Variants in CSRNP3 observed in about 807,000 individuals in gnomAD.
The protein encoded by CSRNP3 is cysteine/serine-rich nuclear protein 3.
CSRNP3 carries 12 observed loss-of-function variants against 48.0 expected under a neutral mutation model. That is an observed-to-expected ratio of 0.25 (90% CI 0.16 to 0.41). The LOEUF (loss-of-function observed/expected upper bound fraction) is 0.41. Ranked by LOEUF, CSRNP3 falls within the 10% of genes least tolerant of loss-of-function variation. CSRNP3 has a pLI of 1.00. For missense variants in CSRNP3, 580 were observed against 724.4 expected, an observed-to-expected ratio of 0.80 and a Z score of 2.29; for synonymous variants, 263 against 269.7, an observed-to-expected ratio of 0.98 and a Z score of 0.24.
At chr2:165,524,329 A>T (rs942708643) in intron 3 of CSRNP3, among the ~76,000 whole-genome samples, 1 of 152,204 alleles carries the variant, frequency 6.6e-6, no homozygotes, top group African/African-American at 2.4e-5. Context: ...TTAAAGTAAA[A>T]TTTAAATAAA....
At position 165,489,988 on chromosome 2, in the gene CSRNP3, G is replaced by A. The variant is rs1383588935; in HGVS notation, c.-282-4771G>A. Among the ~76,000 whole-genome samples the A allele has an allele frequency of 2.0e-5, 3 of 152,028 alleles. No individual in the cohort carries two copies. In the East Asian group the frequency reaches 5.8e-4, roughly 29 times the overall value. On this transcript the variant is annotated intron_variant, in intron 1 of 6. Transcript: ENST00000651982. ...GAAGAAAATAAAAGGTATTCAATTA[G>A]GAAAAGAGGAAGTCAAATTGTCCCT...
intron 3 of CSRNP3, among the ~76,000 whole-genome samples, chr2:165,559,140 C>A (rs1670641452): frequency 6.6e-6 from 1 of 152,112 alleles, no homozygotes; most frequent in Non-Finnish European, 1.5e-5. Flanking sequence ...GCCTGTTAAT[C>A]ATATAGAAAT....
chr2:165,486,423 C>G (rs1182408420), intron 1 of CSRNP3, among the ~76,000 whole-genome samples: 12 of 150,386 alleles, frequency 8.0e-5, no homozygotes, highest in African/African-American at 2.9e-4. Flanking sequence ...CCAGGAAGCT[C>G]GAACTGGGTG....
chr2:165,670,327 A>G (rs1465336693), intron 5 of CSRNP3, among the ~76,000 whole-genome samples: 2 of 152,236 alleles, frequency 1.3e-5, no homozygotes, highest in Non-Finnish European at 1.5e-5. Context: ...GAACTAGGTT[A>G]AAATTACTAG....
chr2:165,656,931 G>C (rs1182369797), intron 4 of CSRNP3, among the ~76,000 whole-genome samples: 3 of 152,180 alleles, frequency 2.0e-5, no homozygotes, highest in Non-Finnish European at 4.4e-5. Context: ...AATTATAGTT[G>C]TCCCTGGTTA....
rs1685257743 is a variant in CSRNP3, at chr2:165,563,329, T to C, written c.-23-31714T>C. Among the ~76,000 whole-genome samples the C allele has an allele frequency of 2.0e-5, 3 of 152,196 alleles. No homozygotes were observed. In the South Asian group the frequency reaches 6.2e-4, roughly 31 times the overall value. On this transcript the variant is annotated intron_variant, in intron 3 of 6. Coordinates refer to ENST00000651982, the MANE Select transcript of CSRNP3 (RefSeq NM_001172173.2). The stretch of plus-strand genomic sequence containing the variant: ...GATAACTGAGTCTTGGGCAACCCAG[T>C]GGCCATACTTCAATCACTAATAGAC...
rs146826319 is a variant in CSRNP3, at chr2:165,556,536, G to C, written c.-23-38507G>C. 5.1e-3 allele frequency among the ~76,000 whole-genome samples: 782 copies of C among 152,286 alleles called. 8 individuals carry two copies. The highest frequency in any genetic ancestry group is 0.018 in the African/African-American group (730 of 41,570). On this transcript the variant is annotated intron_variant, in intron 3 of 6. Coordinates refer to ENST00000651982, the MANE Select transcript of CSRNP3 (RefSeq NM_001172173.2). ...CGTCCAAGTGGGAATGGTTGCAGGAGAGAAGGTTGGATGAAGAGGGACCTG... is the reference window on the plus strand; with the variant it reads ...CGTCCAAGTGGGAATGGTTGCAGGACAGAAGGTTGGATGAAGAGGGACCTG...
intron 3 of CSRNP3, among the ~76,000 whole-genome samples, chr2:165,552,155 G>T (rs1367838751): frequency 2.0e-5 from 3 of 152,188 alleles, no homozygotes; most frequent in Admixed American, 2.0e-4. Context: ...CAGCATGTTG[G>T]TCAGTGTGGC....
At chr2:165,595,610 A>G (rs909966036) in intron 4 of CSRNP3, among the ~76,000 whole-genome samples, 4 of 152,118 alleles carry the variant, frequency 2.6e-5, no homozygotes, top group African/African-American at 9.7e-5. Context: ...AGGAATGGAG[A>G]GTCTAGATTA....
intron 4 of CSRNP3, among the ~76,000 whole-genome samples, chr2:165,599,858 A>G (rs955236548): frequency 6.6e-6 from 1 of 151,854 alleles, no homozygotes; most frequent in Non-Finnish European, 1.5e-5. Context: ...TACTTGTCTT[A>G]TAGTAAAGAA....
intron 1 of CSRNP3, among the ~76,000 whole-genome samples, chr2:165,486,316 T>G (rs1456736542): frequency 6.6e-6 from 1 of 152,164 alleles, no homozygotes; most frequent in Non-Finnish European, 1.5e-5. Flanking sequence ...TCTCGCTGAT[T>G]GCTAGCACAG....
chr2:165,654,947 T>C (rs1365584757), intron 4 of CSRNP3, among the ~76,000 whole-genome samples: 1 of 152,230 alleles, frequency 6.6e-6, no homozygotes, highest in Non-Finnish European at 1.5e-5. Flanking sequence ...TTTTAACTGA[T>C]GTATCCCAAT....
At chr2:165,533,787 T>G (rs1558927392) in intron 3 of CSRNP3, among the ~76,000 whole-genome samples, 1 of 152,080 alleles carries the variant, frequency 6.6e-6, no homozygotes, top group Non-Finnish European at 1.5e-5. Context: ...TTTATTTTCT[T>G]ATTTTTCTCT....
chr2:165,575,947 T>C (rs1471955964), intron 3 of CSRNP3, among the ~76,000 whole-genome samples: 17 of 151,936 alleles, frequency 1.1e-4, no homozygotes, highest in Non-Finnish European at 4.4e-5. Flanking sequence ...ATAATGACTT[T>C]AGGTAAAAGG....
intron 1 of CSRNP3, among the ~76,000 whole-genome samples, chr2:165,478,638 C>T (rs945319577): frequency 1.3e-5 from 2 of 152,130 alleles, no homozygotes; most frequent in Non-Finnish European, 2.9e-5. Context: ...AATAAGATCC[C>T]ATTCTTCAGT....
intron 5 of CSRNP3, among the ~76,000 whole-genome samples, chr2:165,667,017 G>GGGAAGAAAGAGAGAGATGAAGAAA (rs1281979140): frequency 8.7e-6 from 1 of 115,272 alleles, no homozygotes; most frequent in Non-Finnish European, 1.8e-5. Flanking sequence ...AAGGAAGGAA[G>GGGAAGAAAGAGAGAGATGAAGAAA]GAAAGAGAGA....
chr2:165,503,775 A>G (rs1380747037), intron 2 of CSRNP3, among the ~76,000 whole-genome samples: 2 of 151,928 alleles, frequency 1.3e-5, no homozygotes, highest in Non-Finnish European at 2.9e-5. Flanking sequence ...TGTGTCTACT[A>G]TGAAAGGGAT....
At position 165,679,383 on chromosome 2, in the gene CSRNP3, G is replaced by A. The variant is rs2105366345; in HGVS notation, c.1388G>A (p.Gly463Asp). The change falls in exon 7 of 7, where the codon GGT (glycine) becomes GAT (aspartate). Residue 463 changes from glycine (G) to aspartate (D), a missense_variant. Physicochemically the swap from Gly to Asp is moderately conservative, Grantham distance 94. Coordinates refer to ENST00000651982, the MANE Select transcript of CSRNP3 (RefSeq NM_001172173.2). ...NYSERDTVKNGTLSLVPYTMT... is the reference protein window; with the variant it reads ...NYSERDTVKNDTLSLVPYTMT... ...TCTGAAAGAGACACTGTCAAAAATG[G>A]TACCCTTTCGCTGGTGCCTTACACC... The A allele has an allele frequency of 1.2e-6, 2 of 1,613,504 alleles. No individual in the cohort carries two copies. Among genetic ancestry groups the A allele is most frequent in the Non-Finnish European group, 8.5e-7 (1 of 1,179,888 alleles).
chr2:165,524,471 C>T (rs555358508), intron 3 of CSRNP3, among the ~76,000 whole-genome samples: 42 of 152,170 alleles, frequency 2.8e-4, no homozygotes, highest in African/African-American at 9.2e-4. Context: ...CGTTTTTAAA[C>T]TTATAAACAG....
Sources: allele counts gnomAD v4.1 joint callset (sites outside exome capture counted in the v4.1 genomes callset), GRCh38; gene constraint gnomAD v4.1.1; transcripts MANE v1.5; gene names NCBI Gene and HGNC (gene_info 2026-07-23, HGNC 2026-07-21).